ZFAND3: variants seen among roughly 807,000 people sequenced by gnomAD.
ZFAND3 encodes zinc finger AN1-type containing 3.
Under a neutral mutation model 29.6 loss-of-function variants are expected in ZFAND3, and 10 were observed. That is an observed-to-expected ratio of 0.34 (90% CI 0.21 to 0.57). The LOEUF (loss-of-function observed/expected upper bound fraction) is 0.57, where lower values mean the gene tolerates loss of function less well. Ranked by LOEUF, ZFAND3 falls within the 20% of genes least tolerant of loss-of-function variation. The pLI is 0.86. For missense variants in ZFAND3, 230 were observed against 304.5 expected (o/e 0.76, Z 1.82); for synonymous variants, 128 against 112.6 (o/e 1.14, Z -0.87).
At chr6:37,882,285 C>T (rs752185098) in intron 1 of ZFAND3, among the ~76,000 whole-genome samples, 4 of 152,102 alleles carry the variant, frequency 2.6e-5, no homozygotes, top group East Asian at 1.9e-4. Flanking sequence ...GTAGACCACA[C>T]GAAGCCCCTC....
chr6:38,085,620 A>G (rs9470766), intron 4 of ZFAND3, among the ~76,000 whole-genome samples: 4,960 of 152,190 alleles, frequency 0.033, 216 homozygotes, highest in African/African-American at 0.096. Flanking sequence ...TTTATTTTTT[A>G]ATAAAGACAA....
chr6:38,144,171 G>GATATATATATATATATATATTAT (rs1315714773), intron 5 of ZFAND3, among the ~76,000 whole-genome samples: 14 of 87,322 alleles, frequency 1.6e-4, no homozygotes, highest in Non-Finnish European at 2.9e-4. Flanking sequence ...AGAAAAATGT[G>GATATATATATATATATATATTAT]ATATATATAT....
intron 2 of ZFAND3, among the ~76,000 whole-genome samples, chr6:38,058,338 G>T (rs1187641455): frequency 6.6e-6 from 1 of 152,152 alleles, no homozygotes; most frequent in Non-Finnish European, 1.5e-5. Context: ...GGGACACAAT[G>T]ATTATTGACA....
chr6:37,884,283 C>T (rs767329484), intron 1 of ZFAND3, among the ~76,000 whole-genome samples: 16 of 143,958 alleles, frequency 1.1e-4, no homozygotes, highest in Non-Finnish European at 2.4e-4. Flanking sequence ...CACCTGAGGT[C>T]GAGAGTTTGA....
chr6:38,016,188 C>A (rs1365327423), intron 2 of ZFAND3, among the ~76,000 whole-genome samples: 1 of 152,122 alleles, frequency 6.6e-6, no homozygotes, highest in Non-Finnish European at 1.5e-5. Context: ...TGACTTTGGG[C>A]TTTAGTGTGC....
chr6:38,116,493 A>T, intron 4 of ZFAND3, 79 bp from the exon 5 acceptor site: 1 of 1,498,272 alleles, frequency 6.7e-7, no homozygotes, highest in Non-Finnish European at 9.1e-7. Context: ...GGTCAGGAGA[A>T]TGCCTGGAAA....
chr6:38,031,298 T>C (rs559547560), intron 2 of ZFAND3, among the ~76,000 whole-genome samples: 16 of 152,354 alleles, frequency 1.1e-4, no homozygotes, highest in Admixed American at 1.0e-3. Context: ...CTGACTCATC[T>C]CCTCAATACT....
chr6:37,966,387 C>G (rs80168025), intron 2 of ZFAND3, among the ~76,000 whole-genome samples: 1 of 152,134 alleles, frequency 6.6e-6, no homozygotes, highest in African/African-American at 2.4e-5. Flanking sequence ...TACAAAGTGC[C>G]AGGCATTGTG....
intron 3 of ZFAND3, among the ~76,000 whole-genome samples, chr6:38,065,298 A>T (rs1764320833): frequency 6.6e-6 from 1 of 151,486 alleles, no homozygotes; most frequent in Non-Finnish European, 1.5e-5. Flanking sequence ...CTGGCGACAG[A>T]GTGGGACTCT....
intron 2 of ZFAND3, among the ~76,000 whole-genome samples, chr6:38,038,641 A>AT (rs549008106): frequency 3.2e-4 from 49 of 151,834 alleles, no homozygotes; most frequent in African/African-American, 1.1e-3. Flanking sequence ...GCTTTATTTT[A>AT]TTTTTTTTAA....
intron 2 of ZFAND3, among the ~76,000 whole-genome samples, chr6:38,050,346 G>GC (rs1764002177): frequency 6.6e-6 from 1 of 152,000 alleles, no homozygotes; most frequent in African/African-American, 2.4e-5. Context: ...CTGGGCTCAA[G>GC]CAATCCTCCT....
At chr6:38,149,125 G>C (rs1355649206) in intron 5 of ZFAND3, among the ~76,000 whole-genome samples, 2 of 152,014 alleles carry the variant, frequency 1.3e-5, no homozygotes, top group Non-Finnish European at 2.9e-5. Context: ...CAAAGTGCTG[G>C]GATTAGAGGG....
At chr6:38,114,221 A>G (rs1291009116) in intron 4 of ZFAND3, among the ~76,000 whole-genome samples, 2 of 152,250 alleles carry the variant, frequency 1.3e-5, no homozygotes, top group Non-Finnish European at 1.5e-5. Flanking sequence ...AAAAAATTCT[A>G]AATAGGGTTA....
chr6:37,835,755 C>A (rs572148080), intron 1 of ZFAND3, among the ~76,000 whole-genome samples: 4 of 151,854 alleles, frequency 2.6e-5, no homozygotes, highest in African/African-American at 9.7e-5. Context: ...TTTTTTTTAA[C>A]ACAAATAGCA....
At chr6:37,994,839 G>C (rs1475897443) in intron 2 of ZFAND3, among the ~76,000 whole-genome samples, 1 of 152,138 alleles carries the variant, frequency 6.6e-6, no homozygotes, top group African/African-American at 2.4e-5. Flanking sequence ...TTCATCTTTA[G>C]TGGCTAGATA....
Position 38,153,354 on chromosome 6 carries a change from C to G in ZFAND3, c.*965C>G, listed in dbSNP as rs1766275260. On this transcript the variant is annotated 3_prime_UTR_variant, in exon 6 of 6. Coordinates refer to ENST00000287218, the MANE Select transcript of ZFAND3 (RefSeq NM_021943.3). ...GGAAGCTGCCGCCCACGGGCTCTGC[C>G]CCTTCCAGCTGGAGCCGCCCGTGCC... 5.1e-6 allele frequency: 5 copies of G among 985,378 alleles called. No individual in the cohort carries two copies. Among genetic ancestry groups the G allele is most frequent in the Non-Finnish European group, 6.0e-6 (5 of 829,968 alleles). 61.0% of individuals were successfully genotyped at this position (985,378 alleles called of 1,614,324 possible). A position where few individuals can be genotyped will look rare whatever the true frequency, so the allele number is the denominator to read the frequency against.
chr6:38,100,598 T>C (rs1233989960), intron 4 of ZFAND3, among the ~76,000 whole-genome samples: 1 of 152,184 alleles, frequency 6.6e-6, no homozygotes, highest in Non-Finnish European at 1.5e-5. Flanking sequence ...CTACTGTTGA[T>C]TACCAGCTAC....
At chr6:38,115,548 G>A (rs897313258) in intron 4 of ZFAND3, among the ~76,000 whole-genome samples, 1 of 152,190 alleles carries the variant, frequency 6.6e-6, no homozygotes, top group Non-Finnish European at 1.5e-5. Context: ...TAGGCTTGAT[G>A]AGTTGGTAAT....
chr6:38,013,024 T>C (rs967405770), intron 2 of ZFAND3, among the ~76,000 whole-genome samples: 2 of 152,220 alleles, frequency 1.3e-5, no homozygotes, highest in Non-Finnish European at 2.9e-5. Flanking sequence ...ATAATTATAC[T>C]TGAGTGTATT....
Sources: allele counts gnomAD v4.1 joint callset (sites outside exome capture counted in the v4.1 genomes callset), GRCh38; gene constraint gnomAD v4.1.1; transcripts MANE v1.5; gene names NCBI Gene and HGNC (gene_info 2026-07-23, HGNC 2026-07-21).